Variants in EPHA6 observed in about 807,000 individuals in gnomAD.
EPHA6 encodes ephrin type-A receptor 6.
In EPHA6, 50 loss-of-function variants were observed where a neutral mutation model predicts 112.0. The observed-to-expected ratio is 0.45, with a 90% CI of 0.36 to 0.56. EPHA6 has a LOEUF of 0.56. Ranked by LOEUF, EPHA6 falls within the 20% of genes least tolerant of loss-of-function variation. The pLI is 0.00. For missense variants in EPHA6, 1,280 were observed against 1,417.4 expected (o/e 0.90, Z 1.56); for synonymous variants, 529 against 490.7 (o/e 1.08, Z -1.03).
Position 97,187,582 on chromosome 3 carries a change from C to T in EPHA6, c.1115-38682C>T, listed in dbSNP as rs1471540267. Among the ~76,000 whole-genome samples, 3 of 26,586 alleles carry T rather than the reference C, an allele frequency of 1.1e-4. No individual in the cohort carries two copies. In the South Asian group the frequency reaches 3.9e-3, roughly 35 times the overall value. The allele number at this position is 26,586 out of a possible 152,430, so 17.4% of individuals were successfully genotyped here. A position where few individuals can be genotyped will look rare whatever the true frequency, so the allele number is the denominator to read the frequency against. Reference sequence around the variant, plus strand: ...TGAGCGAGACTTCGTCTCAAAACGTCAAAAAAAAAAAAAAAGAAAAGAGAA... The same window carrying T: ...TGAGCGAGACTTCGTCTCAAAACGTTAAAAAAAAAAAAAAAGAAAAGAGAA... On this transcript the variant is annotated intron_variant, in intron 3 of 17. Coordinates refer to ENST00000389672, the MANE Select transcript of EPHA6 (RefSeq NM_001080448.3).
chr3:97,048,918 T>C (rs1474876467), intron 3 of EPHA6, among the ~76,000 whole-genome samples: 1 of 152,214 alleles, frequency 6.6e-6, no homozygotes, highest in African/African-American at 2.4e-5. Flanking sequence ...TGCAGTTTTA[T>C]GTAAACTGAT....
intron 5 of EPHA6, among the ~76,000 whole-genome samples, chr3:97,308,831 A>G (rs1232478902): frequency 2.0e-5 from 3 of 151,798 alleles, no homozygotes; most frequent in East Asian, 1.9e-4. Context: ...TGTGCACTCA[A>G]TGAATAATTC....
intron 2 of EPHA6, among the ~76,000 whole-genome samples, chr3:96,944,673 T>A (rs2041158420): frequency 6.6e-6 from 1 of 152,198 alleles, no homozygotes; most frequent in Admixed American, 6.6e-5. Context: ...GTAAAATAAC[T>A]CGATATTACC....
At chr3:96,824,012 T>G (rs899532733) in intron 1 of EPHA6, among the ~76,000 whole-genome samples, 2 of 151,818 alleles carry the variant, frequency 1.3e-5, no homozygotes, top group African/African-American at 4.8e-5. Flanking sequence ...TATGATAACT[T>G]ATTGTCTTAC....
At chr3:97,168,932 G>A (rs962402603) in intron 3 of EPHA6, among the ~76,000 whole-genome samples, 1 of 152,118 alleles carries the variant, frequency 6.6e-6, no homozygotes, top group Admixed American at 6.5e-5. Flanking sequence ...AGAAAAGACA[G>A]GAAGATGAGG....
intron 10 of EPHA6, among the ~76,000 whole-genome samples, chr3:97,508,407 A>T (rs1463756958): frequency 6.6e-6 from 1 of 152,090 alleles, no homozygotes; most frequent in Non-Finnish European, 1.5e-5. Flanking sequence ...TTTCTGCCTT[A>T]ATTCATTATT....
intron 6 of EPHA6, among the ~76,000 whole-genome samples, chr3:97,413,790 G>A (rs2087907646): frequency 6.6e-6 from 1 of 151,716 alleles, no homozygotes; most frequent in Non-Finnish European, 1.5e-5. Flanking sequence ...AATGATGAAG[G>A]ACTAAATACC....
chr3:97,656,299 A>G (rs775884890), intron 14 of EPHA6, among the ~76,000 whole-genome samples: 2 of 151,980 alleles, frequency 1.3e-5, no homozygotes, highest in Non-Finnish European at 2.9e-5. Flanking sequence ...AAAGAGATTA[A>G]GGAAATAAAT....
At chr3:97,066,987 T>G (rs2046199224) in intron 3 of EPHA6, among the ~76,000 whole-genome samples, 1 of 152,096 alleles carries the variant, frequency 6.6e-6, no homozygotes, top group Non-Finnish European at 1.5e-5. Flanking sequence ...GAGGGAAGTC[T>G]CTCTCTTTTT....
At chr3:97,554,116 G>A (rs1292074658) in intron 11 of EPHA6, among the ~76,000 whole-genome samples, 1 of 152,004 alleles carries the variant, frequency 6.6e-6, no homozygotes, top group African/African-American at 2.4e-5. Context: ...TTTTTCAATA[G>A]TTGCTTATAA....
chr3:96,822,073 G>A (rs77799201), intron 1 of EPHA6, among the ~76,000 whole-genome samples: 2,029 of 151,998 alleles, frequency 0.013, 46 homozygotes, highest in African/African-American at 0.044. Context: ...TGCTTCACAA[G>A]ACTCTTCTGA....
rs564542552 is a variant in EPHA6, at chr3:96,836,660, G to A, written c.385+21652G>A. 1.1e-4 allele frequency among the ~76,000 whole-genome samples: 16 copies of A among 152,188 alleles called. 1 individual carries two copies. In the South Asian group the frequency reaches 1.2e-3, roughly 12 times the overall value. On this transcript the variant is annotated intron_variant, in intron 1 of 17. Transcript: ENST00000389672. ...CATGTTGGCATTAAACAGATGAGCC[G>A]TTCTACCTCCCTTTTGAGTCAAAAA...
chr3:97,287,586 A>G (rs574258767), intron 5 of EPHA6, among the ~76,000 whole-genome samples: 1 of 152,160 alleles, frequency 6.6e-6, no homozygotes, highest in African/African-American at 2.4e-5. Context: ...TTTATGAGCC[A>G]TGTTCTTTTA....
intron 5 of EPHA6, among the ~76,000 whole-genome samples, chr3:97,372,064 A>G (rs1439964886): frequency 6.6e-6 from 1 of 152,042 alleles, no homozygotes; most frequent in African/African-American, 2.4e-5. Flanking sequence ...GCCTTCATTT[A>G]CCTTGTAATA....
intron 14 of EPHA6, among the ~76,000 whole-genome samples, chr3:97,665,796 G>A (rs867342259): frequency 1.2e-4 from 19 of 152,188 alleles, no homozygotes; most frequent in African/African-American, 3.4e-4. Context: ...GGTGGGTCAC[G>A]CCTGTAATCC....
intron 10 of EPHA6, among the ~76,000 whole-genome samples, chr3:97,506,313 T>C (rs1190813677): frequency 3.3e-5 from 5 of 152,240 alleles, no homozygotes; most frequent in Admixed American, 2.6e-4. Flanking sequence ...TTTATGGTTT[T>C]AGGTCTTACA....
In EPHA6 at chr3:97,609,176, T is replaced by A. The variant is rs2093700425; in HGVS notation, c.2513-1617T>A. On this transcript the variant is annotated intron_variant, in intron 12 of 17. Coordinates refer to ENST00000389672, the MANE Select transcript of EPHA6 (RefSeq NM_001080448.3). Reference sequence around the variant, plus strand: ...ACTCTGCAGGCAGGGGAAGAAGACATCAGGCAGTCATTGTAATAACCCAAC... The same window carrying A: ...ACTCTGCAGGCAGGGGAAGAAGACAACAGGCAGTCATTGTAATAACCCAAC... Among the ~76,000 whole-genome samples the A allele has an allele frequency of 2.0e-5, 3 of 151,278 alleles. No homozygotes were observed. In the South Asian group the frequency reaches 6.2e-4, roughly 31 times the overall value.
chr3:96,950,519 T>G (rs980025723), intron 2 of EPHA6, among the ~76,000 whole-genome samples: 3 of 152,172 alleles, frequency 2.0e-5, no homozygotes, highest in Non-Finnish European at 4.4e-5. Context: ...TATTAGTTCA[T>G]GGAAAAATCA....
intron 3 of EPHA6, among the ~76,000 whole-genome samples, chr3:97,112,686 C>A (rs997987894): frequency 1.3e-5 from 2 of 151,016 alleles, no homozygotes; most frequent in African/African-American, 4.8e-5. Context: ...AAATTTTAGA[C>A]TATTTTTTGC....
Sources: gnomAD v4.1 joint callset for allele counts (sites outside exome capture counted in the v4.1 genomes callset) on GRCh38, gnomAD v4.1.1 for gene constraint, MANE v1.5 for transcripts, NCBI Gene and HGNC (gene_info 2026-07-23, HGNC 2026-07-21) for gene names.